GET1: variants seen among roughly 807,000 people sequenced by gnomAD.
GET1 encodes the protein congenital heart disease 5 protein.
A neutral mutation model predicts 22.6 loss-of-function variants in GET1; 20 were observed. That is an observed-to-expected ratio of 0.89 (90% confidence interval 0.62 to 1.29). The LOEUF is 1.29. Among genes scored for constraint, GET1 ranks in the 50% most tolerant of loss-of-function variants. GET1 has a pLI of 0.00. For synonymous variants in GET1, 92 were observed against 83.8 expected (o/e 1.10, Z -0.53); for missense variants, 209 against 219.9 (o/e 0.95, Z 0.31).
intron 1 of GET1, chr21:39,380,724 C>T (rs1601587292): frequency 8.0e-7 from 1 of 1,246,144 alleles, no homozygotes; most frequent in East Asian, 3.4e-5. Context: ...CTGGACTCTT[C>T]TGGCTGTGGG....
At position 39,396,982 on chromosome 21, in the gene GET1, C is replaced by G; in HGVS notation, c.*43C>G. The G allele has an allele frequency of 6.3e-7, 1 of 1,595,336 alleles. No homozygotes were observed. Among genetic ancestry groups the G allele is most frequent in the Non-Finnish European group, 8.6e-7 (1 of 1,164,498 alleles). On this transcript the variant is annotated 3_prime_UTR_variant, in exon 5 of 5. Coordinates refer to ENST00000649170, the MANE Select transcript of GET1 (RefSeq NM_004627.6). ...GCCGCGAGGCTAAAAAACGGATTTC[C>G]TCTTCCTAGCTTAAAATCTGATTTA...
intron 1 of GET1, chr21:39,387,826 T>TC (rs1352674296): frequency 1.0e-6 from 1 of 985,206 alleles, no homozygotes; most frequent in Non-Finnish European, 1.2e-6. Context: ...TGGAGAGTTG[T>TC]CCCTACTGTG....
intron 1 of GET1, chr21:39,411,709 A>C (rs2040112935): frequency 7.4e-7 from 1 of 1,360,400 alleles, no homozygotes; most frequent in Non-Finnish European, 1.0e-6. Flanking sequence ...AAAAGTAATT[A>C]AAACATACCT....
intron 1 of GET1, among the ~76,000 whole-genome samples, chr21:39,382,996 G>A (rs1279332670): frequency 1.3e-5 from 2 of 151,742 alleles, no homozygotes; most frequent in South Asian, 2.1e-4. Context: ...CGTTGCCCAG[G>A]CTGGAGTGCA....
Position 39,404,292 on chromosome 21 carries a change from T to C in GET1, c.350-1622T>C, listed in dbSNP as rs75891008. ...CACCAGCAGGGCCATGGTACTGTTT[T>C]ATGGTTTTTAGAACAAGGTTAACAG... On this transcript the variant is annotated intron_variant, in intron 4 of 4. Transcript: ENST00000415847. Among the ~76,000 whole-genome samples the C allele has an allele frequency of 3.6e-3, 543 of 152,310 alleles. 5 individuals are homozygous for C. Among genetic ancestry groups the C allele is most frequent in the African/African-American group, 0.013 (532 of 41,558 alleles).
chr21:39,422,856 G>T, intron 1 of GET1: 1 of 913,100 alleles, frequency 1.1e-6, no homozygotes, highest in Non-Finnish European at 1.7e-6. Flanking sequence ...ATTTAGTGCA[G>T]CACGCCAAGT....
At chr21:39,416,323 C>A (rs2041146059) in intron 1 of GET1, among the ~76,000 whole-genome samples, 1 of 152,140 alleles carries the variant, frequency 6.6e-6, no homozygotes, top group African/African-American at 2.4e-5. Context: ...TTAACCTGGG[C>A]AGTTATCTTT....
At chr21:39,387,685 CCACACT>C in intron 1 of GET1, 2 of 607,456 alleles carry the variant, frequency 3.3e-6, no homozygotes, top group Non-Finnish European at 4.1e-6. Context: ...CCCCTACTCC[CCACACT>C]CCCCCCCCCC....
intron 1 of GET1, among the ~76,000 whole-genome samples, chr21:39,416,832 C>T (rs2041262179): frequency 6.6e-6 from 1 of 152,116 alleles, no homozygotes; most frequent in Non-Finnish European, 1.5e-5. Flanking sequence ...TTATTTGTGT[C>T]CTTACAGTGT....
chr21:39,428,304 G>A, exon 2 of GET1: 1 of 1,612,386 alleles, frequency 6.2e-7, no homozygotes, highest in Non-Finnish European at 8.5e-7. Context: ...TAATCATACT[G>A]AGAACTTAAA....
At chr21:39,396,789 G>T in intron 4 of GET1, 77 bp from the exon 5 acceptor site, 1 of 1,313,000 alleles carries the variant, frequency 7.6e-7, no homozygotes, top group Non-Finnish European at 1.1e-6. Flanking sequence ...TCTCTTTGCT[G>T]TGAGTTAAAG....
At chr21:39,391,583 A>T in intron 2 of GET1, 186 bp from the exon 3 acceptor site, 2 of 583,578 alleles carry the variant, frequency 3.4e-6, no homozygotes, top group Non-Finnish European at 2.9e-6. Flanking sequence ...ATACTATTTT[A>T]AATAATGGCA....
downstream of GET1, among the ~76,000 whole-genome samples, chr21:39,399,877 A>G (rs150410457): frequency 2.3e-3 from 344 of 151,724 alleles, 2 homozygotes; most frequent in African/African-American, 7.6e-3. Flanking sequence ...AAGCAGGGAA[A>G]TTTTTAAATA....
chr21:39,387,430 T>C (rs1395156731), intron 1 of GET1, among the ~76,000 whole-genome samples: 1 of 152,224 alleles, frequency 6.6e-6, no homozygotes, highest in African/African-American at 2.4e-5. Flanking sequence ...GCAGTGTCTG[T>C]AGATTTTCCT....
downstream of GET1, chr21:39,410,137 C>G: frequency 7.2e-7 from 1 of 1,398,590 alleles, no homozygotes; most frequent in Non-Finnish European, 1.0e-6. Flanking sequence ...TTTGGGGGGT[C>G]TAGATAACTT....
chr21:39,398,945 G>A (rs1045985891), downstream of GET1, among the ~76,000 whole-genome samples: 1 of 151,706 alleles, frequency 6.6e-6, no homozygotes, highest in Non-Finnish European at 1.5e-5. Context: ...TCACCATGTT[G>A]GCCAGGTTGG....
chr21:39,412,037 G>A (rs1353479648), intron 1 of GET1, among the ~76,000 whole-genome samples: 1 of 152,182 alleles, frequency 6.6e-6, no homozygotes, highest in Non-Finnish European at 1.5e-5. Context: ...AGCCTTGCAG[G>A]TCAGCTTGTC....
chr21:39,380,618 T>C, intron 1 of GET1, 132 bp downstream of exon 1: 2 of 1,467,246 alleles, frequency 1.4e-6, no homozygotes, highest in Non-Finnish European at 1.8e-6. Context: ...TCCGTAAGCT[T>C]TTTTGAGATA....
At chr21:39,410,108 A>G, downstream of GET1, 1 of 1,555,470 alleles carries the variant, frequency 6.4e-7, no homozygotes, top group South Asian at 1.1e-5. Context: ...TGTAATTTAG[A>G]AAAGCAGCAA....
Sources: allele counts gnomAD v4.1 joint callset (sites outside exome capture counted in the v4.1 genomes callset), GRCh38; gene constraint gnomAD v4.1.1; transcripts MANE v1.5; gene names NCBI Gene and HGNC (gene_info 2026-07-23, HGNC 2026-07-21).